CALCRL: variants seen among roughly 807,000 people sequenced by gnomAD.
CALCRL encodes the protein calcitonin gene-related peptide type 1 receptor.
CALCRL carries 27 observed loss-of-function variants against 60.4 expected under a neutral mutation model. The observed-to-expected ratio is 0.45, with a 90% CI of 0.33 to 0.62. The LOEUF is 0.62. CALCRL is among the 20% of genes least tolerant of loss of function. The pLI, the probability that CALCRL is intolerant of heterozygous loss-of-function variation, is 0.03. For missense variants in CALCRL, 424 were observed against 540.7 expected (o/e 0.78, Z 2.14); for synonymous variants, 190 against 182.6 (o/e 1.04, Z -0.33).
chr2:187,442,095 T>C (rs1690937806), intron 1 of CALCRL: 1 of 103,620 alleles, frequency 9.7e-6, no homozygotes, highest in African/African-American at 4.4e-5. Context: ...TATATATATA[T>C]ATATATATAT....
At chr2:187,393,418 G>C (rs1215052834) in intron 1 of CALCRL, among the ~76,000 whole-genome samples, 1 of 152,102 alleles carries the variant, frequency 6.6e-6, no homozygotes, top group East Asian at 1.9e-4. Context: ...CAACTATAAA[G>C]TATAAATCAA....
At chr2:187,360,309 A>G (rs902428038) in intron 10 of CALCRL, among the ~76,000 whole-genome samples, 10 of 152,066 alleles carry the variant, frequency 6.6e-5, no homozygotes, top group Non-Finnish European at 8.8e-5. Context: ...TTATGATTCT[A>G]CTTCTATTGT....
In CALCRL at chr2:187,360,727, T is replaced by C; in HGVS notation, c.652A>G (p.Ile218Val). Residue 218 changes from isoleucine to valine, a missense_variant, in exon 10 of 15, where the codon ATT becomes GTT. Physicochemically the swap from Ile to Val is conservative, Grantham distance 29. Transcript: ENST00000392370. ...NPVSCKVSQF[I>V]HLYLMGCNYF... Reference sequence around the variant, plus strand: ...TTACAGCCCATCAGGTAAAGATGAATGAACTGGGACACTTTGCAACTAACC... The same window carrying C: ...TTACAGCCCATCAGGTAAAGATGAACGAACTGGGACACTTTGCAACTAACC... The C allele has an allele frequency of 1.2e-6, 2 of 1,611,258 alleles. No homozygotes were observed. Among genetic ancestry groups the C allele is most frequent in the South Asian group, 2.2e-5 (2 of 90,574 alleles).
intron 8 of CALCRL, among the ~76,000 whole-genome samples, chr2:187,371,563 A>G (rs1687520154): frequency 6.6e-6 from 1 of 152,144 alleles, no homozygotes; most frequent in South Asian, 2.1e-4. Flanking sequence ...CAAACTCTAT[A>G]GGTTTCAACG....
At chr2:187,437,618 T>A (rs2105903884) in intron 1 of CALCRL, among the ~76,000 whole-genome samples, 1 of 152,290 alleles carries the variant, frequency 6.6e-6, no homozygotes, top group South Asian at 2.1e-4. Context: ...TTGCCATATA[T>A]AAACTTATCA....
intron 8 of CALCRL, among the ~76,000 whole-genome samples, chr2:187,372,340 G>T (rs1309341055): frequency 6.6e-6 from 1 of 151,190 alleles, no homozygotes; most frequent in East Asian, 1.9e-4. Context: ...TATCTAAAGG[G>T]TTCCACTTTG....
In CALCRL at chr2:187,344,613, C is replaced by CAA. The variant is rs1240684869; in HGVS notation, c.*1569_*1570dup. 3 of 151,556 alleles carry CAA rather than the reference C, an allele frequency of 2.0e-5. No individual in the cohort carries two copies. The East Asian group carries it at 5.8e-4, about 29-fold the overall frequency. 9.4% of individuals were successfully genotyped at this position (151,556 alleles called of 1,614,324 possible). A position where few individuals can be genotyped will look rare whatever the true frequency, so the allele number is the denominator to read the frequency against. ...TCTATCTTTATTTAATAAAGTCTGA[C>CAA]AATAATTCAGTAAGATCTGACAATA... is the stretch of plus-strand genomic sequence containing the variant. On this transcript the variant is annotated 3_prime_UTR_variant, in exon 15 of 15. Coordinates refer to ENST00000392370, the MANE Select transcript of CALCRL (RefSeq NM_005795.6).
intron 1 of CALCRL, among the ~76,000 whole-genome samples, chr2:187,411,592 A>G (rs1044147644): frequency 6.6e-6 from 1 of 152,150 alleles, no homozygotes; most frequent in African/African-American, 2.4e-5. Context: ...AAATGCTAAG[A>G]TGTAGAATCG....
At chr2:187,384,707 G>A (rs952402296) in intron 4 of CALCRL, among the ~76,000 whole-genome samples, 10 of 151,914 alleles carry the variant, frequency 6.6e-5, no homozygotes, top group African/African-American at 2.2e-4. Flanking sequence ...TAGGTTTTCT[G>A]TATTCTCCCA....
intron 1 of CALCRL, chr2:187,415,563 A>G (rs1309635853): frequency 4.1e-6 from 2 of 492,506 alleles, no homozygotes; most frequent in Non-Finnish European, 3.7e-6. Flanking sequence ...CCAATGTGTC[A>G]GTGGTGGACC....
intron 14 of CALCRL, among the ~76,000 whole-genome samples, chr2:187,347,682 A>G (rs922758134): frequency 6.6e-6 from 1 of 151,502 alleles, no homozygotes; most frequent in Non-Finnish European, 1.5e-5. Flanking sequence ...CCAATTACAA[A>G]CATTCTATAG....
At chr2:187,399,743 A>G (rs1688806355) in intron 1 of CALCRL, among the ~76,000 whole-genome samples, 1 of 151,644 alleles carries the variant, frequency 6.6e-6, no homozygotes. Context: ...AAAATATGGT[A>G]TAGACACAAA....
At chr2:187,401,158 C>A (rs778198317) in intron 1 of CALCRL, among the ~76,000 whole-genome samples, 1 of 151,400 alleles carries the variant, frequency 6.6e-6, no homozygotes, top group Non-Finnish European at 1.5e-5. Context: ...ATGAAGTGTA[C>A]GGGTATAGCT....
intron 1 of CALCRL, among the ~76,000 whole-genome samples, chr2:187,396,242 CTT>C (rs1442842766): frequency 1.3e-5 from 2 of 151,908 alleles, no homozygotes; most frequent in East Asian, 1.9e-4. Context: ...TATACTGCCT[CTT>C]TTGAGCTATT....
intron 1 of CALCRL, among the ~76,000 whole-genome samples, chr2:187,435,410 AGG>A (rs1690591308): frequency 6.6e-6 from 1 of 152,190 alleles, no homozygotes; most frequent in Non-Finnish European, 1.5e-5. Flanking sequence ...GTCATTCATG[AGG>A]GAGCCATCCC....
intron 1 of CALCRL, among the ~76,000 whole-genome samples, chr2:187,414,203 A>C (rs567077552): frequency 6.6e-6 from 1 of 152,196 alleles, no homozygotes; most frequent in East Asian, 1.9e-4. Context: ...ATTTATGTAC[A>C]TATTTTATTT....
At chr2:187,441,083 C>CA (rs943149007) in intron 1 of CALCRL, among the ~76,000 whole-genome samples, 5 of 151,332 alleles carry the variant, frequency 3.3e-5, no homozygotes, top group Admixed American at 6.6e-5. Context: ...GAATTAGACA[C>CA]AAAAAAATAT....
intron 1 of CALCRL, among the ~76,000 whole-genome samples, chr2:187,441,266 A>C (rs1447486275): frequency 6.6e-6 from 1 of 151,956 alleles, no homozygotes; most frequent in African/African-American, 2.4e-5. Context: ...TACGATAATA[A>C]ATATATACAT....
chr2:187,348,557 G>C (rs1686387587), intron 14 of CALCRL, among the ~76,000 whole-genome samples: 1 of 151,586 alleles, frequency 6.6e-6, no homozygotes, highest in Non-Finnish European at 1.5e-5. Flanking sequence ...AAGGAAAATG[G>C]CTATTGAAAT....
Sources: gnomAD v4.1 joint callset for allele counts (sites outside exome capture counted in the v4.1 genomes callset) on GRCh38, gnomAD v4.1.1 for gene constraint, MANE v1.5 for transcripts, NCBI Gene and HGNC (gene_info 2026-07-23, HGNC 2026-07-21) for gene names.